Variants in SLC15A5 observed in about 807,000 individuals in gnomAD.
The protein encoded by SLC15A5 is Peptide/histidine transporter ENSP00000340402.
A neutral mutation model predicts 56.1 loss-of-function variants in SLC15A5; 58 were observed. That is an observed-to-expected ratio of 1.03 (90% CI 0.84 to 1.29). The LOEUF (loss-of-function observed/expected upper bound fraction) is 1.29. Ranked by LOEUF, SLC15A5 falls within the 50% of genes most tolerant of loss-of-function variation. The pLI is 0.00. For synonymous variants in SLC15A5, 264 were observed against 250.5 expected (o/e 1.05, Z -0.51); for missense variants, 681 against 672.1 (o/e 1.01, Z -0.15).
In SLC15A5 at chr12:16,274,148, T is replaced by G. The variant is rs558522047; in HGVS notation, c.362-1365A>C. ...TTTTCAGTTATTTTTAAATGAATAC[T>G]GTAAAATACCCTGACACATAAGTTT... On this transcript the variant is annotated intron_variant, in intron 1 of 8. Transcript: ENST00000344941. Among the ~76,000 whole-genome samples, 6 of 152,140 alleles carry G rather than the reference T, an allele frequency of 3.9e-5. No individual in the cohort carries two copies. In the South Asian group the frequency reaches 1.2e-3, roughly 32 times the overall value.
intron 8 of SLC15A5, among the ~76,000 whole-genome samples, chr12:16,193,832 A>AGAGAGAGG (rs1863865942): frequency 1.0e-5 from 1 of 100,308 alleles, no homozygotes; most frequent in East Asian, 2.4e-4. Flanking sequence ...AGAGAGAGAG[A>AGAGAGAGG]GAGAGAGAGA....
At position 16,264,400 on chromosome 12, in the gene SLC15A5, A is replaced by G. The variant is rs117195308; in HGVS notation, c.585-6530T>C. ...TGTACCCCCATTATATCTAGGAAGT[A>G]ACTAAATTGTTTTCAATTTTACAGG... is the stretch of plus-strand genomic sequence containing the variant. On this transcript the variant is annotated intron_variant, in intron 2 of 8. Transcript: ENST00000344941. 1.3e-3 allele frequency among the ~76,000 whole-genome samples: 196 copies of G among 152,342 alleles called. 6 individuals carry two copies. In the East Asian group the frequency reaches 0.027, roughly 21 times the overall value.
intron 8 of SLC15A5, among the ~76,000 whole-genome samples, chr12:16,192,525 G>T (rs896929549): frequency 1.4e-4 from 22 of 152,050 alleles, no homozygotes; most frequent in Admixed American, 1.0e-3. Context: ...CAGAGAGAAG[G>T]AATCACACTT....
Position 16,241,131 on chromosome 12 carries a change from C to T in SLC15A5, c.976-1264G>A, listed in dbSNP as rs186414856. 4.0e-4 allele frequency among the ~76,000 whole-genome samples: 61 copies of T among 151,970 alleles called. 1 individual carries two copies. The South Asian group carries it at 0.011, about 27-fold the overall frequency. On this transcript the variant is annotated intron_variant, in intron 4 of 8. Coordinates refer to ENST00000344941, the MANE Select transcript of SLC15A5 (RefSeq NM_001170798.1). ...CCCGGCCCATCATGATCTTTAGTAG[C>T]GCATAGTATTTCTTTAATTCCCAGT...
intron 5 of SLC15A5, among the ~76,000 whole-genome samples, chr12:16,225,867 T>C (rs1409138894): frequency 1.3e-5 from 2 of 152,202 alleles, no homozygotes; most frequent in Non-Finnish European, 2.9e-5. Flanking sequence ...ACGCCAGTGA[T>C]CTGTGCTGTT....
Position 16,219,277 on chromosome 12 carries a change from T to C in SLC15A5, c.1352-2253A>G, listed in dbSNP as rs138531747. Among the ~76,000 whole-genome samples, 658 of 152,282 alleles carry C rather than the reference T, an allele frequency of 4.3e-3. 7 individuals are homozygous for C. The highest frequency in any genetic ancestry group is 0.015 in the African/African-American group (609 of 41,568). ...TATTGGTGGCACGGTAGCACAGCTCTTTGTGTAGTACCAATCACCAGCAGG... is the reference window on the plus strand; with the variant it reads ...TATTGGTGGCACGGTAGCACAGCTCCTTGTGTAGTACCAATCACCAGCAGG... On this transcript the variant is annotated intron_variant, in intron 6 of 8. Coordinates refer to ENST00000344941, the MANE Select transcript of SLC15A5 (RefSeq NM_001170798.1).
chr12:16,255,572 G>T (rs983792712), intron 3 of SLC15A5, among the ~76,000 whole-genome samples: 3 of 151,970 alleles, frequency 2.0e-5, no homozygotes, highest in Non-Finnish European at 2.9e-5. Flanking sequence ...ACTTACTTTT[G>T]ATTTGGCAAT....
chr12:16,251,454 T>C (rs561721857), intron 3 of SLC15A5, among the ~76,000 whole-genome samples: 123 of 151,388 alleles, frequency 8.1e-4, no homozygotes, highest in African/African-American at 2.9e-3. Context: ...CTAAGAAAAA[T>C]AGAGGAAAGA....
rs562013824 is a variant in SLC15A5, at chr12:16,205,834, T to G, written c.1483+11059A>C. 3.6e-4 allele frequency among the ~76,000 whole-genome samples: 55 copies of G among 152,104 alleles called. No individual in the cohort carries two copies. In the South Asian group the frequency reaches 0.011, roughly 30 times the overall value. On this transcript the variant is annotated intron_variant, in intron 7 of 8. Coordinates refer to ENST00000344941, the MANE Select transcript of SLC15A5 (RefSeq NM_001170798.1). ...ATTTCCCCTCTTTACAAACTACTGT[T>G]TTATTTTGAATGTAATGGAACTATG...
At position 16,243,084 on chromosome 12, in the gene SLC15A5, C is replaced by A. The variant is rs115651777; in HGVS notation, c.975+1496G>T. Among the ~76,000 whole-genome samples the A allele has an allele frequency of 5.9e-3, 901 of 152,232 alleles. 10 individuals are homozygous for A. Among genetic ancestry groups the A allele is most frequent in the African/African-American group, 0.018 (743 of 41,538 alleles). On this transcript the variant is annotated intron_variant, in intron 4 of 8. Transcript: ENST00000344941. This position sits in a 1 kb window ranked among gnomAD's most constrained non-coding sequence, Gnocchi z 4.4. ...CCACATATGGGTTCCGTGGCAATTA[C>A]TCAACTCTGCTATTTTTGTGCATAA...
intron 2 of SLC15A5, 46 bp downstream of exon 2, chr12:16,272,515 G>A (rs1294157940): frequency 2.0e-6 from 3 of 1,503,184 alleles, no homozygotes; most frequent in Non-Finnish European, 2.7e-6. Flanking sequence ...AGTAAACAGT[G>A]AGAATGGTCA....
chr12:16,269,560 C>T lies in SLC15A5; in HGVS notation c.584+3001G>A, dbSNP rs113465006. ...GCTGTGGGATAATACATTTTTACCT[C>T]TAGTGCTTCCCTAAGATAAAATATA... On this transcript the variant is annotated intron_variant, in intron 2 of 8. Coordinates refer to ENST00000344941, the MANE Select transcript of SLC15A5 (RefSeq NM_001170798.1). The surrounding 1 kb of genome is among the most constrained non-coding windows in gnomAD (Gnocchi z 4.7). 1.3e-3 allele frequency among the ~76,000 whole-genome samples: 196 copies of T among 152,224 alleles called. No individual in the cohort carries two copies. Among genetic ancestry groups the T allele is most frequent in the African/African-American group, 4.6e-3 (190 of 41,524 alleles).
At chr12:16,212,316 T>A (rs1023992315) in intron 7 of SLC15A5, among the ~76,000 whole-genome samples, 7 of 151,618 alleles carry the variant, frequency 4.6e-5, no homozygotes, top group Admixed American at 3.3e-4. Context: ...TACAATTTCC[T>A]TTTTTTATTA....
chr12:16,214,945 C>T (rs7312922), intron 7 of SLC15A5, among the ~76,000 whole-genome samples: 79,722 of 151,584 alleles, frequency 0.53, 21,406 homozygotes, highest in South Asian at 0.74. Context: ...TGGCTCACGC[C>T]TGTAATCCCA....
intron 3 of SLC15A5, among the ~76,000 whole-genome samples, chr12:16,249,123 A>G (rs561384451): frequency 6.6e-6 from 1 of 152,174 alleles, no homozygotes; most frequent in South Asian, 2.1e-4. Context: ...ATTGCACTCT[A>G]GATGGTAGAT....
chr12:16,206,547 T>A (rs1316471640), intron 7 of SLC15A5, among the ~76,000 whole-genome samples: 1 of 152,180 alleles, frequency 6.6e-6, no homozygotes, highest in Non-Finnish European at 1.5e-5. Context: ...TAATAAGGAC[T>A]CAAATTTTTA....
intron 6 of SLC15A5, among the ~76,000 whole-genome samples, chr12:16,220,357 C>T (rs1273471062): frequency 6.6e-6 from 1 of 152,156 alleles, no homozygotes; most frequent in Admixed American, 6.6e-5. Context: ...TGCCTTAATA[C>T]TTGGCAATTT....
chr12:16,232,435 G>A (rs1864307765), intron 5 of SLC15A5, among the ~76,000 whole-genome samples: 1 of 152,082 alleles, frequency 6.6e-6, no homozygotes, highest in East Asian at 1.9e-4. Context: ...GAAAATGGAA[G>A]AAAGGAAACT....
chr12:16,205,528 A>G (rs1864005957), intron 7 of SLC15A5, among the ~76,000 whole-genome samples: 1 of 28,848 alleles, frequency 3.5e-5, no homozygotes, highest in Non-Finnish European at 6.6e-5. Context: ...AAGAAGGGAA[A>G]GGTGCATATA....
Sources: allele counts gnomAD v4.1 joint callset (sites outside exome capture counted in the v4.1 genomes callset), GRCh38; gene constraint gnomAD v4.1.1; non-coding constraint Gnocchi (gnomAD v3.1); transcripts MANE v1.5; gene names NCBI Gene and HGNC (gene_info 2026-07-23, HGNC 2026-07-21).